ITSN1: variants seen among roughly 807,000 people sequenced by gnomAD.
ITSN1 encodes intersectin 1, also known as intersectin-1.
In ITSN1, 58 loss-of-function variants were observed where a neutral mutation model predicts 239.8. The observed-to-expected ratio is 0.24, with a 90% CI of 0.20 to 0.30. ITSN1 has a LOEUF of 0.30. Ranked by LOEUF, ITSN1 falls within the 10% of genes least tolerant of loss-of-function variation. The pLI is 1.00. For synonymous variants in ITSN1, 780 were observed against 770.8 expected, an observed-to-expected ratio of 1.01 and a Z score of -0.20; for missense variants, 1,558 against 2,103.3, an observed-to-expected ratio of 0.74 and a Z score of 5.07.
At chr21:33,706,053 T>C (rs1452663621) in intron 1 of ITSN1, among the ~76,000 whole-genome samples, 1 of 152,126 alleles carries the variant, frequency 6.6e-6, no homozygotes, top group African/African-American at 2.4e-5. Context: ...CATATACTTA[T>C]TGTCACCCAG....
rs1048206334 is a variant in ITSN1 at position 33,718,937 on chromosome 21, A to C, written c.28+81A>C. The stretch of plus-strand genomic sequence containing the variant: ...TTGATATTATGGCAAATTTAAAATT[A>C]AAAAGTAGAGAAAATAATATAATCA... On this transcript the variant is annotated intron_variant, in intron 2 of 39. Transcript: ENST00000381318. 1.4e-4 allele frequency: 149 copies of C among 1,091,728 alleles called. No homozygotes were observed. The African/African-American group carries it at 2.2e-3, about 16-fold the overall frequency. The allele number at this position is 1,091,728 out of a possible 1,614,324, so 67.6% of individuals were successfully genotyped here.
intron 5 of ITSN1, among the ~76,000 whole-genome samples, chr21:33,746,288 A>C (rs183537563): frequency 2.0e-5 from 3 of 152,330 alleles, no homozygotes; most frequent in Non-Finnish European, 4.4e-5. Flanking sequence ...TTTTCACCTA[A>C]ATTTGAGACA....
At chr21:33,847,080 A>G (rs555095933) in intron 29 of ITSN1, among the ~76,000 whole-genome samples, 81 of 152,244 alleles carry the variant, frequency 5.3e-4, no homozygotes, top group African/African-American at 1.9e-3. Context: ...TTGGGTTCCT[A>G]TGGGATCAGT....
At chr21:33,649,380 C>T (rs911149242) in intron 1 of ITSN1, among the ~76,000 whole-genome samples, 9 of 152,262 alleles carry the variant, frequency 5.9e-5, no homozygotes, top group Admixed American at 2.0e-4. Context: ...TCCTAAAGTT[C>T]GTAGCTCTCT....
intron 6 of ITSN1, 40 bp from the exon 7 acceptor site, chr21:33,751,770 T>C (rs529363555): frequency 3.4e-6 from 5 of 1,463,314 alleles, no homozygotes; most frequent in African/African-American, 2.8e-5. Context: ...AAGTTTCTTA[T>C]CTTTGTAGAA....
At chr21:33,732,231 T>C (rs933827906) in intron 4 of ITSN1, among the ~76,000 whole-genome samples, 3 of 152,206 alleles carry the variant, frequency 2.0e-5, no homozygotes, top group Non-Finnish European at 4.4e-5. Context: ...ATATTTCTTA[T>C]CAGACTTTAA....
chr21:33,828,855 A>G, intron 26 of ITSN1: 1 of 439,416 alleles, frequency 2.3e-6, no homozygotes, highest in Non-Finnish European at 4.7e-6. Flanking sequence ...GGTCTGTGGT[A>G]CCGCTGGAGT....
intron 31 of ITSN1, among the ~76,000 whole-genome samples, chr21:33,861,203 G>A (rs1005122872): frequency 1.3e-5 from 2 of 152,316 alleles, no homozygotes; most frequent in Middle Eastern, 3.4e-3. Context: ...AAAACATTGT[G>A]CTGTATTTGG....
At position 33,878,970 on chromosome 21, in the gene ITSN1, C is replaced by T. The variant is rs186373129; in HGVS notation, c.4342-3273C>T. Among the ~76,000 whole-genome samples, 38 of 152,178 alleles carry T rather than the reference C, an allele frequency of 2.5e-4. 1 individual carries two copies. Among genetic ancestry groups the T allele is most frequent in the African/African-American group, 7.7e-4 (32 of 41,530 alleles). On this transcript the variant is annotated intron_variant, in intron 34 of 39. Coordinates refer to ENST00000381318, the MANE Select transcript of ITSN1 (RefSeq NM_003024.3). ...CAGAGCTAGGTGCCAAGTGCTGTGGCGACATGTGACAGGAGCAAGGGACAG... is the reference window on the plus strand; with the variant it reads ...CAGAGCTAGGTGCCAAGTGCTGTGGTGACATGTGACAGGAGCAAGGGACAG...
At chr21:33,726,340 A>G (rs529953822) in intron 4 of ITSN1, among the ~76,000 whole-genome samples, 3 of 143,384 alleles carry the variant, frequency 2.1e-5, no homozygotes, top group Admixed American at 7.3e-5. Flanking sequence ...GATCTAAAGA[A>G]GCAGCTCCCT....
chr21:33,722,764 T>C (rs1449354102), intron 4 of ITSN1, 113 bp downstream of exon 4: 2 of 979,942 alleles, frequency 2.0e-6, no homozygotes, highest in Non-Finnish European at 2.8e-6. Flanking sequence ...CATGTATCTC[T>C]AGCCTGAAAT....
chr21:33,811,283 C>T (rs372189761), intron 21 of ITSN1, 61 bp downstream of exon 21: 7 of 1,480,438 alleles, frequency 4.7e-6, no homozygotes, highest in South Asian at 1.3e-5. Flanking sequence ...ATTTCCCCCC[C>T]ACCCCCTTAA....
At chr21:33,879,106 GA>G (rs1386663968) in intron 34 of ITSN1, among the ~76,000 whole-genome samples, 1 of 152,174 alleles carries the variant, frequency 6.6e-6, no homozygotes, top group African/African-American at 2.4e-5. Flanking sequence ...CCAGCACTTT[GA>G]GAGGCCAAGG....
intron 20 of ITSN1, among the ~76,000 whole-genome samples, chr21:33,804,807 T>TA (rs1345308965): frequency 2.0e-4 from 30 of 152,292 alleles, no homozygotes; most frequent in African/African-American, 7.2e-4. Flanking sequence ...AGAATTGTCT[T>TA]AGGCTGCACA....
Position 33,797,666 on chromosome 21 carries a change from T to G in ITSN1, c.2182+58T>G. 10 of 1,409,122 alleles carry G rather than the reference T, an allele frequency of 7.1e-6. No individual in the cohort carries two copies. Among genetic ancestry groups the G allele is most frequent in the Non-Finnish European group, 9.9e-6 (10 of 1,009,730 alleles). 87.3% of individuals were successfully genotyped at this position (1,409,122 alleles called of 1,614,324 possible). ...AGTCATCTTCTCTCCCAGAGCCTCC[T>G]GAAAAATGCCCCTATCTCATCAGTA... On this transcript the variant is annotated intron_variant, in intron 18 of 39. Coordinates refer to ENST00000381318, the MANE Select transcript of ITSN1 (RefSeq NM_003024.3). The surrounding 1 kb of genome is among the most constrained non-coding windows in gnomAD (Gnocchi z 4.9).
At chr21:33,677,004 C>T (rs781241818) in intron 1 of ITSN1, among the ~76,000 whole-genome samples, 3 of 114,830 alleles carry the variant, frequency 2.6e-5, no homozygotes, top group Non-Finnish European at 3.6e-5. Flanking sequence ...CGGGACCTGT[C>T]GTGAGGTGCG....
chr21:33,868,678 C>T (rs556777285), intron 33 of ITSN1, among the ~76,000 whole-genome samples: 130 of 152,356 alleles, frequency 8.5e-4, no homozygotes, highest in African/African-American at 3.1e-3. Context: ...CACGCAGCCC[C>T]GGTTCCTGCT....
chr21:33,748,829 C>T (rs2067355293), intron 5 of ITSN1, among the ~76,000 whole-genome samples: 1 of 152,056 alleles, frequency 6.6e-6, no homozygotes, highest in Admixed American at 6.6e-5. Context: ...CATGCCATTT[C>T]ACTCTAGCTT....
At chr21:33,734,319 T>C (rs956215769) in intron 4 of ITSN1, among the ~76,000 whole-genome samples, 2 of 152,162 alleles carry the variant, frequency 1.3e-5, no homozygotes, top group African/African-American at 4.8e-5. Flanking sequence ...TTTGAGAAAA[T>C]ACTTTACATT....
Sources: allele counts gnomAD v4.1 joint callset (sites outside exome capture counted in the v4.1 genomes callset), GRCh38; gene constraint gnomAD v4.1.1; non-coding constraint Gnocchi (gnomAD v3.1); transcripts MANE v1.5; gene names NCBI Gene and HGNC (gene_info 2026-07-23, HGNC 2026-07-21).